LAMA3: variants seen among roughly 807,000 people sequenced by gnomAD.
The protein encoded by LAMA3 is laminin subunit alpha 3, also known as laminin subunit alpha-3.
A neutral mutation model predicts 402.0 loss-of-function variants in LAMA3; 281 were observed. The ratio of observed to expected loss-of-function variants is 0.70; its 90% CI spans 0.63 to 0.77. The LOEUF (loss-of-function observed/expected upper bound fraction) is 0.77. Ranked by LOEUF, LAMA3 falls within the 30% of genes least tolerant of loss-of-function variation. The probability of loss-of-function intolerance (pLI) is 0.00; values close to 1 mark genes in which losing one functional copy is unlikely to be tolerated. For synonymous variants in LAMA3, 1,431 were observed against 1,558.4 expected (o/e 0.92, Z 1.93); for missense variants, 3,840 against 4,215.5 (o/e 0.91, Z 2.47).
intron 32 of LAMA3, among the ~76,000 whole-genome samples, chr18:23,850,792 A>T (rs1349981826): frequency 6.6e-6 from 1 of 152,256 alleles, no homozygotes; most frequent in African/African-American, 2.4e-5. Flanking sequence ...AAAGGGCTAG[A>T]ATATTTTTGG....
At chr18:23,909,751 T>G (rs1172273476) in intron 55 of LAMA3, among the ~76,000 whole-genome samples, 1 of 152,242 alleles carries the variant, frequency 6.6e-6, no homozygotes, top group East Asian at 1.9e-4. Flanking sequence ...TTCACCAGCC[T>G]TTCTTGTTTT....
intron 2 of LAMA3, among the ~76,000 whole-genome samples, chr18:23,719,164 C>T (rs1309342625): frequency 6.6e-6 from 1 of 152,170 alleles, no homozygotes; most frequent in Non-Finnish European, 1.5e-5. Flanking sequence ...CAAGTCTTTG[C>T]CTCAGGGCTT....
At chr18:23,828,255 A>G (rs2144474252) in intron 23 of LAMA3, among the ~76,000 whole-genome samples, 1 of 152,366 alleles carries the variant, frequency 6.6e-6, no homozygotes. Context: ...CTGAACTTTT[A>G]GATGTGTACA....
chr18:23,810,018 CA>C (rs2063036958), intron 12 of LAMA3, among the ~76,000 whole-genome samples: 2 of 152,180 alleles, frequency 1.3e-5, no homozygotes, highest in Non-Finnish European at 2.9e-5. Flanking sequence ...CATCACCCAG[CA>C]CCTGCAAATC....
At chr18:23,766,103 G>T (rs141102825) in intron 8 of LAMA3, among the ~76,000 whole-genome samples, 1 of 152,210 alleles carries the variant, frequency 6.6e-6, no homozygotes, top group East Asian at 1.9e-4. Flanking sequence ...GATTCAAAAA[G>T]CTTAATGAAC....
chr18:23,946,209 A>T lies in LAMA3; in HGVS notation c.9276A>T (p.Gly3092=). The T allele has an allele frequency of 6.2e-7, 1 of 1,614,026 alleles. No individual in the cohort carries two copies. The highest frequency in any genetic ancestry group is 8.5e-7 in the Non-Finnish European group (1 of 1,179,970). ...TGGATGGACTGAGGGCCCGGGAGGG[A>T]AGTTTGCCTGGAAACTCCACCATCA... ...LVVDGLRARE[G]SLPGNSTISI... The change falls in exon 70 of 75, where the codon GGA becomes GGT. Residue 3092 remains glycine, a synonymous_variant. Coordinates refer to ENST00000313654, the MANE Select transcript of LAMA3 (RefSeq NM_198129.4).
At chr18:23,694,401 C>T (rs1165188875) in intron 1 of LAMA3, among the ~76,000 whole-genome samples, 1 of 152,172 alleles carries the variant, frequency 6.6e-6, no homozygotes, top group Non-Finnish European at 1.5e-5. Flanking sequence ...AGGGGCTTTG[C>T]TCCCCTGCTT....
At chr18:23,816,851 A>AG (rs1395785577) in intron 18 of LAMA3, among the ~76,000 whole-genome samples, 3 of 151,936 alleles carry the variant, frequency 2.0e-5, no homozygotes, top group Non-Finnish European at 2.9e-5. Context: ...CCAGGGAGAG[A>AG]GGGAATAAGA....
At chr18:23,823,089 G>A (rs950423803) in intron 20 of LAMA3, among the ~76,000 whole-genome samples, 2 of 152,160 alleles carry the variant, frequency 1.3e-5, no homozygotes, top group Non-Finnish European at 2.9e-5. Context: ...AAGCATCCAC[G>A]GTTCATTCAG....
chr18:23,922,615 C>T (rs2081880216), intron 62 of LAMA3, among the ~76,000 whole-genome samples: 1 of 151,978 alleles, frequency 6.6e-6, no homozygotes. Flanking sequence ...GGTATGTAGC[C>T]CCTGAGTTTT....
At chr18:23,930,985 A>G in intron 64 of LAMA3, 77 bp from the exon 65 acceptor site, 1 of 1,351,778 alleles carries the variant, frequency 7.4e-7, no homozygotes. Context: ...CATGGTTTGG[A>G]TGATAAATTC....
At chr18:23,759,381 AC>A (rs1236629214) in intron 7 of LAMA3, among the ~76,000 whole-genome samples, 3 of 151,818 alleles carry the variant, frequency 2.0e-5, no homozygotes, top group Non-Finnish European at 4.4e-5. Context: ...TAACAAACAA[AC>A]CCTAAGACAT....
intron 72 of LAMA3, among the ~76,000 whole-genome samples, chr18:23,950,440 T>C (rs907773207): frequency 6.6e-6 from 1 of 152,264 alleles, no homozygotes; most frequent in Non-Finnish European, 1.5e-5. Context: ...TCTTTCAGAC[T>C]TATCTGTAAA....
chr18:23,940,874 C>A (rs2082479250), intron 68 of LAMA3, among the ~76,000 whole-genome samples: 1 of 152,038 alleles, frequency 6.6e-6, no homozygotes, highest in Non-Finnish European at 1.5e-5. Flanking sequence ...TAGGGAGGCC[C>A]CACTCCCCAC....
chr18:23,846,565 TACC>T, intron 31 of LAMA3, 57 bp downstream of exon 31: 1 of 1,488,552 alleles, frequency 6.7e-7, no homozygotes, highest in Non-Finnish European at 9.1e-7. Flanking sequence ...GGATGATGCT[TACC>T]AGGAGCAGGC....
At chr18:23,869,165 G>A (rs2064442423) in intron 37 of LAMA3, among the ~76,000 whole-genome samples, 1 of 152,130 alleles carries the variant, frequency 6.6e-6, no homozygotes, top group African/African-American at 2.4e-5. Context: ...CAGAATCAAC[G>A]TTTTCAGAAC....
intron 70 of LAMA3, among the ~76,000 whole-genome samples, chr18:23,947,018 G>A (rs557381897): frequency 1.3e-5 from 2 of 152,322 alleles, no homozygotes; most frequent in African/African-American, 4.8e-5. Context: ...AATGTTATTT[G>A]ATGTCTGAAA....
intron 35 of LAMA3, among the ~76,000 whole-genome samples, chr18:23,863,736 T>C (rs1287734607): frequency 2.0e-5 from 3 of 152,172 alleles, no homozygotes; most frequent in Non-Finnish European, 2.9e-5. Flanking sequence ...CATTTTCCTA[T>C]AGGTTATTTT....
At position 23,953,057 on chromosome 18, in the gene LAMA3, C is replaced by A. The variant is rs769343146; in HGVS notation, c.9804C>A (p.Ile3268=). The A allele has an allele frequency of 4.8e-5, 77 of 1,614,042 alleles. No homozygotes were observed. Among genetic ancestry groups the A allele is most frequent in the Non-Finnish European group, 6.4e-5 (75 of 1,180,008 alleles). ...DTDSSYTAGQ[I]PFPPASTQEP... is the part of the protein sequence containing the mutation. ...ACAGTAGCTACACAGCTGGACAGAT[C>A]CCCTTCCCACCTGCCAGCACTCAAG... The change falls in exon 74 of 75, where the codon ATC becomes ATA. Residue 3268 remains isoleucine (I), a synonymous_variant. Coordinates refer to ENST00000313654, the MANE Select transcript of LAMA3 (RefSeq NM_198129.4).
Sources: gnomAD v4.1 joint callset for allele counts (sites outside exome capture counted in the v4.1 genomes callset) on GRCh38, gnomAD v4.1.1 for gene constraint, MANE v1.5 for transcripts, NCBI Gene and HGNC (gene_info 2026-07-23, HGNC 2026-07-21) for gene names.